SLC18A1: variants seen among roughly 807,000 people sequenced by gnomAD.
SLC18A1 encodes chromaffin granule amine transporter.
Under a neutral mutation model 53.7 loss-of-function variants are expected in SLC18A1, and 69 were observed. The observed-to-expected ratio is 1.28, with a 90% CI of 1.06 to 1.57. The LOEUF (loss-of-function observed/expected upper bound fraction) is 1.57, where lower values mean the gene tolerates loss of function less well. Ranked by LOEUF, SLC18A1 falls within the 40% of genes most tolerant of loss-of-function variation. The pLI, the probability that SLC18A1 is intolerant of heterozygous loss-of-function variation, is 0.00. For synonymous variants in SLC18A1, 320 were observed against 248.1 expected (o/e 1.29, Z -2.72); for missense variants, 932 against 668.1 (o/e 1.40, Z -4.35).
intron 10 of SLC18A1, among the ~76,000 whole-genome samples, chr8:20,156,538 G>A (rs530407028): frequency 4.6e-5 from 7 of 152,192 alleles, no homozygotes; most frequent in East Asian, 1.9e-4. Flanking sequence ...TGTAGAAGCA[G>A]AGTTGGGAAA....
intron 8 of SLC18A1, among the ~76,000 whole-genome samples, chr8:20,169,860 CAG>C (rs2072066064): frequency 6.6e-6 from 1 of 152,202 alleles, no homozygotes; most frequent in South Asian, 2.1e-4. Context: ...GCCTGGGTGA[CAG>C]AGCAAGACTC....
rs775253174 is a variant in SLC18A1, at chr8:20,155,895, G to A, written c.1016-5151C>T. On this transcript the variant is annotated intron_variant, in intron 10 of 15. Coordinates refer to ENST00000276373, the MANE Select transcript of SLC18A1 (RefSeq NM_003053.4). ...CAACATGGGCAGTTATGTGGGACCC[G>A]TTCCCCACCACCCTTGCAAGGGCCA... 6.6e-5 allele frequency among the ~76,000 whole-genome samples: 10 copies of A among 152,278 alleles called. 1 individual carries two copies. In the South Asian group the frequency reaches 1.0e-3, roughly 16 times the overall value.
Position 20,148,090 on chromosome 8 carries a change from G to T in SLC18A1, c.1147-20C>A. The T allele has an allele frequency of 6.2e-7, 1 of 1,612,774 alleles. No homozygotes were observed. Among genetic ancestry groups the T allele is most frequent in the Non-Finnish European group, 8.5e-7 (1 of 1,178,800 alleles). On this transcript the variant is annotated intron_variant, in intron 12 of 15. Coordinates refer to ENST00000276373, the MANE Select transcript of SLC18A1 (RefSeq NM_003053.4). ...AGGAACCTGCATGGGGAAGGAGGAA[G>T]AGTCATCAGGACTCCAGATGGGTCA...
Position 20,171,499 on chromosome 8 carries a change from A to G in SLC18A1, c.725-5T>C, listed in dbSNP as rs572592100. The G allele has an allele frequency of 5.6e-6, 9 of 1,611,270 alleles. No individual in the cohort carries two copies. The East Asian group carries it at 1.3e-4, about 24-fold the overall frequency. On this transcript the variant is annotated splice_polypyrimidine_tract_variant and splice_region_variant and intron_variant, in intron 6 of 15. Transcript: ENST00000276373. ...CACTTCCAAAGGGAGCTCCCACTGG[A>G]GAGGCATAGGAGACACAGATTCCAG...
rs17222155 is a variant in SLC18A1 at position 20,171,367 on chromosome 8, T to G, written c.814+38A>C. On this transcript the variant is annotated intron_variant, in intron 7 of 15. Coordinates refer to ENST00000276373, the MANE Select transcript of SLC18A1 (RefSeq NM_003053.4). ...AACATAATGCATTCCCAACCTGACC[T>G]GGGCTGTCACCTGCTGGAGGCTCTG... 1,239 of 1,561,136 alleles carry G rather than the reference T, an allele frequency of 7.9e-4. 6 individuals carry two copies. In the African/African-American group the frequency reaches 0.015, roughly 19 times the overall value.
At chr8:20,147,556 T>C (rs778968976) in intron 14 of SLC18A1, 47 bp downstream of exon 14, 1 of 1,608,834 alleles carries the variant, frequency 6.2e-7, no homozygotes. Context: ...TTCCAGCTGG[T>C]AAAGAGTAGA....
chr8:20,159,774 A>G (rs1226648412), intron 10 of SLC18A1, among the ~76,000 whole-genome samples: 1 of 152,118 alleles, frequency 6.6e-6, no homozygotes, highest in Admixed American at 6.6e-5. Context: ...AACATTTTGC[A>G]TCGTGCCTGT....
At chr8:20,172,936 C>T in intron 6 of SLC18A1, 100 bp downstream of exon 6, 1 of 809,490 alleles carries the variant, frequency 1.2e-6, no homozygotes, top group Admixed American at 2.1e-5. Flanking sequence ...TAGGATGAGG[C>T]CAACAAGGGA....
chr8:20,165,178 A>T, intron 8 of SLC18A1, 71 bp from the exon 9 acceptor site: 2 of 1,360,318 alleles, frequency 1.5e-6, no homozygotes, highest in African/African-American at 1.4e-5. Context: ...ACAGAATCTG[A>T]GAAAGTACAA....
At chr8:20,151,432 C>G (rs895306242) in intron 10 of SLC18A1, among the ~76,000 whole-genome samples, 1 of 152,110 alleles carries the variant, frequency 6.6e-6, no homozygotes, top group Non-Finnish European at 1.5e-5. Flanking sequence ...GTGCCACATA[C>G]CCATACATAA....
At chr8:20,148,114 C>T in intron 12 of SLC18A1, 44 bp from the exon 13 acceptor site, 1 of 1,562,578 alleles carries the variant, frequency 6.4e-7, no homozygotes, top group South Asian at 1.1e-5. Flanking sequence ...CCAGATGGGT[C>T]AGGTGGGAGC....
rs939838949 is a variant in SLC18A1, at chr8:20,148,457, G to C, written c.1147-387C>G. ...GTCTCATTCTTCATGGAATAAAGTT[G>C]CCTCTGTTTTCCATTATGGACATCA... On this transcript the variant is annotated intron_variant, in intron 12 of 15. Transcript: ENST00000276373. 6.2e-6 allele frequency: 8 copies of C among 1,290,744 alleles called. No individual in the cohort carries two copies. In the African/African-American group the frequency reaches 1.2e-4, roughly 20 times the overall value. 80.0% of individuals were successfully genotyped at this position (1,290,744 alleles called of 1,614,324 possible).
At chr8:20,182,180 T>A (rs1452788466) in intron 1 of SLC18A1, among the ~76,000 whole-genome samples, 1 of 152,164 alleles carries the variant, frequency 6.6e-6, no homozygotes, top group Non-Finnish European at 1.5e-5. Context: ...AATTGTATAC[T>A]CTTTGACTTA....
chr8:20,150,892 C>T (rs2071536137), intron 10 of SLC18A1, 148 bp from the exon 11 acceptor site: 6 of 681,054 alleles, frequency 8.8e-6, no homozygotes, highest in African/African-American at 1.8e-5. Flanking sequence ...TTGTGCAAAC[C>T]CACAGTAGTT....
At chr8:20,178,998 C>T (rs887461611) in intron 3 of SLC18A1, 123 bp downstream of exon 3, 1 of 1,178,186 alleles carries the variant, frequency 8.5e-7, no homozygotes, top group Admixed American at 2.7e-5. Flanking sequence ...TTCCGAATAG[C>T]TGACTCCCCT....
intron 8 of SLC18A1, among the ~76,000 whole-genome samples, chr8:20,169,809 G>A (rs546727478): frequency 1.3e-5 from 2 of 152,290 alleles, no homozygotes; most frequent in South Asian, 2.1e-4. Context: ...AACCTAGGAG[G>A]CAGAGGTTGC....
chr8:20,178,382 A>T, intron 4 of SLC18A1, 53 bp downstream of exon 4: 1 of 1,447,620 alleles, frequency 6.9e-7, no homozygotes, highest in Non-Finnish European at 9.6e-7. Flanking sequence ...CATTCACTTG[A>T]TAAAATCAAA....
intron 4 of SLC18A1, 126 bp from the exon 5 acceptor site, chr8:20,174,570 T>C (rs2072210622): frequency 1.5e-6 from 1 of 653,484 alleles, no homozygotes; most frequent in Non-Finnish European, 2.8e-6. Context: ...TAAAGCATGA[T>C]GACTGTTCCC....
chr8:20,182,202 A>C (rs532140271), intron 1 of SLC18A1, among the ~76,000 whole-genome samples: 98 of 152,334 alleles, frequency 6.4e-4, no homozygotes, highest in Non-Finnish European at 7.1e-4. Flanking sequence ...TAACTCTACT[A>C]CAAGGAACCC....
Sources: allele counts gnomAD v4.1 joint callset (sites outside exome capture counted in the v4.1 genomes callset), GRCh38; gene constraint gnomAD v4.1.1; transcripts MANE v1.5; gene names NCBI Gene and HGNC (gene_info 2026-07-23, HGNC 2026-07-21).